The following SMG1 variants were observed in gnomAD, a reference collection of about 807,000 sequenced individuals.
SMG1 encodes serine/threonine-protein kinase SMG1.
Under a neutral mutation model 419.9 loss-of-function variants are expected in SMG1, and 22 were observed. That is an observed-to-expected ratio of 0.05 (90% CI 0.04 to 0.07). The LOEUF is 0.07. SMG1 is among the 10% of genes least tolerant of loss of function. The probability of loss-of-function intolerance (pLI) is 1.00; values close to 1 mark genes in which losing one functional copy is unlikely to be tolerated. For synonymous variants in SMG1, 1,538 were observed against 1,553.5 expected, an observed-to-expected ratio of 0.99 and a Z score of 0.23; for missense variants, 3,185 against 4,342.0, an observed-to-expected ratio of 0.73 and a Z score of 7.49.
At chr16:18,883,060 C>A (rs999285047) in intron 9 of SMG1, among the ~76,000 whole-genome samples, 30 of 152,096 alleles carry the variant, frequency 2.0e-4, no homozygotes, top group African/African-American at 7.2e-4. Context: ...CACTTCCTTG[C>A]TTTTCTAGGA....
intron 26 of SMG1, among the ~76,000 whole-genome samples, chr16:18,859,939 C>A (rs541395753): frequency 6.6e-6 from 1 of 152,334 alleles, no homozygotes; most frequent in African/African-American, 2.4e-5. Flanking sequence ...TAAGTCGAGG[C>A]CAGGCGTGGT....
In SMG1 at chr16:18,882,113, T is replaced by C. The variant is rs779345666; in HGVS notation, c.1293+52A>G. The C allele has an allele frequency of 5.2e-4, 695 of 1,328,096 alleles. 2 individuals are homozygous for C. Among genetic ancestry groups the C allele is most frequent in the Non-Finnish European group, 6.4e-4 (631 of 986,360 alleles). 82.3% of individuals were successfully genotyped at this position (1,328,096 alleles called of 1,614,324 possible). On this transcript the variant is annotated intron_variant, in intron 10 of 62. Transcript: ENST00000446231. ...ACCAGGTAAAGAGAAGCATTTACAGTGTAAAACAATTTTATTTTTGAATGA... is the reference window on the plus strand; with the variant it reads ...ACCAGGTAAAGAGAAGCATTTACAGCGTAAAACAATTTTATTTTTGAATGA...
chr16:18,903,931 TGTC>T lies in SMG1; in HGVS notation c.93-6978_93-6976del, dbSNP rs1288336448. The stretch of plus-strand genomic sequence containing the variant: ...TCCCCCCATTTTCCAAGGTATGTCT[TGTC>T]TTTTTTTTTTTTTTTTTTTTTGAGA... On this transcript the variant is annotated intron_variant, in intron 1 of 62. Coordinates refer to ENST00000446231, the MANE Select transcript of SMG1 (RefSeq NM_015092.5). 2.7e-4 allele frequency among the ~76,000 whole-genome samples: 36 copies of T among 135,668 alleles called. 1 individual carries two copies. The highest frequency in any genetic ancestry group is 9.9e-4 in the African/African-American group (35 of 35,276). The allele number at this position is 135,668 out of a possible 152,430, so 89.0% of individuals were successfully genotyped here. A position where few individuals can be genotyped will look rare whatever the true frequency, so the allele number is the denominator to read the frequency against.
chr16:18,858,592 G>A (rs2048354429), intron 28 of SMG1: 2 of 218,580 alleles, frequency 9.1e-6, no homozygotes, highest in African/African-American at 4.6e-5. Context: ...TTACTATAAA[G>A]CAGACTGCAG....
At chr16:18,846,519 T>G (rs1377597844) in intron 38 of SMG1, among the ~76,000 whole-genome samples, 1 of 151,914 alleles carries the variant, frequency 6.6e-6, no homozygotes, top group African/African-American at 2.4e-5. Context: ...ACTCCTACAA[T>G]TCAACAATAA....
intron 1 of SMG1, 88 bp downstream of exon 1, chr16:18,925,862 C>G (rs938653446): frequency 9.8e-7 from 1 of 1,019,578 alleles, no homozygotes; most frequent in Non-Finnish European, 1.3e-6. Flanking sequence ...GGGCCTAGGC[C>G]GCGCCTCCCA....
chr16:18,854,687 A>G lies in SMG1; in HGVS notation c.4452T>C (p.Asp1484=), dbSNP rs886603739. Residue 1484 remains aspartate (D), a synonymous_variant, in exon 30 of 63, where the codon GAT becomes GAC. Transcript: ENST00000446231. The part of the protein sequence containing the change: ...QVDEKWGPEL[D]IEKTKLLYTA... ...TATAAAGCAATTTGGTTTTTTCAAT[A>G]TCAAGTTCGGGCCCCCATTTTTCAT... The G allele has an allele frequency of 1.1e-5, 17 of 1,613,572 alleles. No homozygotes were observed. The highest frequency in any genetic ancestry group is 1.4e-5 in the Non-Finnish European group (16 of 1,179,838).
At chr16:18,899,384 C>A (rs1471407336) in intron 1 of SMG1, among the ~76,000 whole-genome samples, 3 of 151,872 alleles carry the variant, frequency 2.0e-5, no homozygotes, top group African/African-American at 7.3e-5. Context: ...CAAAAAAAAA[C>A]TAACTGGAAT....
intron 47 of SMG1, 64 bp from the exon 48 acceptor site, chr16:18,836,276 A>G: frequency 1.3e-6 from 2 of 1,589,716 alleles, no homozygotes; most frequent in East Asian, 4.5e-5. Flanking sequence ...ACTAAAAGCA[A>G]GCACAAACCA....
At chr16:18,827,464 A>G (rs1185262290) in intron 55 of SMG1, among the ~76,000 whole-genome samples, 3 of 146,210 alleles carry the variant, frequency 2.1e-5, no homozygotes, top group Non-Finnish European at 3.0e-5. Context: ...ACCTATATAT[A>G]TATATTTTTA....
At position 18,849,931 on chromosome 16, in the gene SMG1, AT is replaced by A; in HGVS notation, c.5461+17del. 2 of 1,600,274 alleles carry A rather than the reference AT, an allele frequency of 1.2e-6. No individual in the cohort carries two copies. The highest frequency in any genetic ancestry group is 1.7e-6 in the Non-Finnish European group (2 of 1,174,532). ...AGTGAGAAACTATTTTTCCTGAAAC[AT>A]TTTATGCAGGTCTCACCTCTCCATG... is the stretch of plus-strand genomic sequence containing the variant. On this transcript the variant is annotated intron_variant, in intron 35 of 62. Transcript: ENST00000446231.
intron 23 of SMG1, among the ~76,000 whole-genome samples, chr16:18,865,193 G>A (rs1393535265): frequency 1.3e-5 from 2 of 152,134 alleles, no homozygotes; most frequent in Non-Finnish European, 2.9e-5. Context: ...AGGCCACGAA[G>A]ACATGATCCA....
chr16:18,853,948 T>G, intron 30 of SMG1, 81 bp from the exon 31 acceptor site: 1 of 1,295,536 alleles, frequency 7.7e-7, no homozygotes, highest in Non-Finnish European at 1.1e-6. Context: ...GAAACAAATA[T>G]CAACATGGTG....
chr16:18,872,120 T>C lies in SMG1; in HGVS notation c.2183+64A>G, dbSNP rs189976743. 0.018 allele frequency: 18,511 copies of C among 1,018,566 alleles called. 250 individuals carry two copies. The highest frequency in any genetic ancestry group is 0.045 in the South Asian group (1,955 of 43,494). 63.1% of individuals were successfully genotyped at this position (1,018,566 alleles called of 1,614,324 possible). On this transcript the variant is annotated intron_variant, in intron 15 of 62. Coordinates refer to ENST00000446231, the MANE Select transcript of SMG1 (RefSeq NM_015092.5). ...AATTTTTTGTAATCCACATTTCTTA[T>C]TCTCAAATTATAAAGGCAAATTAAC...
chr16:18,883,703 G>A (rs2036499591), intron 9 of SMG1, among the ~76,000 whole-genome samples: 1 of 152,180 alleles, frequency 6.6e-6, no homozygotes, highest in African/African-American at 2.4e-5. Flanking sequence ...TGGATCACCT[G>A]AGGTCAGGAG....
At chr16:18,846,131 T>A (rs935199031) in intron 38 of SMG1, among the ~76,000 whole-genome samples, 4 of 151,978 alleles carry the variant, frequency 2.6e-5, no homozygotes, top group African/African-American at 9.7e-5. Flanking sequence ...TTTTGTTTTT[T>A]AAAAAAATGC....
intron 5 of SMG1, among the ~76,000 whole-genome samples, chr16:18,890,575 G>A (rs535158364): frequency 7.9e-5 from 12 of 152,308 alleles, no homozygotes; most frequent in Admixed American, 3.3e-4. Context: ...ACTTGAACCC[G>A]AGAGGTGGAG....
Position 18,828,096 on chromosome 16 carries a change from G to C in SMG1, c.9676C>G (p.Leu3226Val). The part of the protein sequence containing the change: ...SVTPPPRSAI[L>V]TSMKKKLHTL... ...TGCAGCTTCTTTTTCATGCTGGTTAGGATAGCAGACCGTGGGGGAGGTGTG... is the reference window on the plus strand; with the variant it reads ...TGCAGCTTCTTTTTCATGCTGGTTACGATAGCAGACCGTGGGGGAGGTGTG... Residue 3226 changes from leucine to valine, a missense_variant, in exon 55 of 63, where the codon CTA becomes GTA. Leu to Val is a conservative substitution (Grantham distance 32). Around this residue, in one of 27 missense-constraint regions of SMG1, gnomAD observed 737 missense variants for 846.6 expected, o/e 0.87. Coordinates refer to ENST00000446231, the MANE Select transcript of SMG1 (RefSeq NM_015092.5). 3 of 1,613,614 alleles carry C rather than the reference G, an allele frequency of 1.9e-6. No individual in the cohort carries two copies. The highest frequency in any genetic ancestry group is 2.5e-6 in the Non-Finnish European group (3 of 1,179,700).
rs2038395304 is a variant in SMG1, at chr16:18,926,104, ACCG to A, written c.-66_-64del. On this transcript the variant is annotated 5_prime_UTR_variant, in exon 1 of 63. Coordinates refer to ENST00000446231, the MANE Select transcript of SMG1 (RefSeq NM_015092.5). ...CAAAGAAGCGCGAGTCGCCGCCCGAACCGGCCGCCGCCGACACCCCGCTCCGGC... is the reference window on the plus strand; with the variant it reads ...CAAAGAAGCGCGAGTCGCCGCCCGAAGCCGCCGCCGACACCCCGCTCCGGC... The A allele has an allele frequency of 1.4e-6, 2 of 1,436,110 alleles. No homozygotes were observed. Among genetic ancestry groups the A allele is most frequent in the African/African-American group, 3.0e-5 (2 of 67,162 alleles). 89.0% of individuals were successfully genotyped at this position (1,436,110 alleles called of 1,614,324 possible). A position where few individuals can be genotyped will look rare whatever the true frequency, so the allele number is the denominator to read the frequency against.
Sources: allele counts gnomAD v4.1 joint callset (sites outside exome capture counted in the v4.1 genomes callset), GRCh38; gene constraint gnomAD v4.1.1; regional missense constraint gnomAD v4.1.1; transcripts MANE v1.5; gene names NCBI Gene and HGNC (gene_info 2026-07-23, HGNC 2026-07-21).